Variants in FHAD1 observed in about 807,000 individuals in gnomAD.
FHAD1 encodes forkhead associated phosphopeptide binding domain 1, also known as forkhead-associated domain-containing protein 1.
In FHAD1, 146 loss-of-function variants were observed where a neutral mutation model predicts 191.3. That is an observed-to-expected ratio of 0.76 (90% CI 0.67 to 0.88). The LOEUF (loss-of-function observed/expected upper bound fraction) is 0.88, where lower values mean the gene tolerates loss of function less well. Among genes scored for constraint, FHAD1 ranks in the 40% least tolerant of loss-of-function variants. FHAD1 has a pLI of 0.00. For synonymous variants in FHAD1, 616 were observed against 672.3 expected (o/e 0.92, Z 1.29); for missense variants, 1,635 against 1,785.8 (o/e 0.92, Z 1.52).
chr1:15,242,488 C>G (rs4661615), upstream of FHAD1, among the ~76,000 whole-genome samples: 1 of 152,060 alleles, frequency 6.6e-6, no homozygotes, highest in Non-Finnish European at 1.5e-5. Context: ...TAAAGGTTCA[C>G]TGTCACTCAA....
chr1:15,299,436 TAAGTTTA>T (rs1484670500), intron 5 of FHAD1, among the ~76,000 whole-genome samples: 1 of 152,130 alleles, frequency 6.6e-6, no homozygotes, highest in African/African-American at 2.4e-5. Flanking sequence ...CTGAAGTCTG[TAAGTTTA>T]AAGTTTATGA....
intron 10 of FHAD1, among the ~76,000 whole-genome samples, chr1:15,322,903 C>T (rs1406014994): frequency 6.6e-6 from 1 of 152,180 alleles, no homozygotes; most frequent in African/African-American, 2.4e-5. Flanking sequence ...TTTAATTGGA[C>T]TTACAGTTCC....
At chr1:15,338,627 C>T (rs900248845) in intron 14 of FHAD1, among the ~76,000 whole-genome samples, 8 of 152,168 alleles carry the variant, frequency 5.3e-5, no homozygotes, top group African/African-American at 1.4e-4. Flanking sequence ...TTCAGCCCCG[C>T]GCACCCCTGT....
intron 11 of FHAD1, chr1:15,326,842 G>A: frequency 1.9e-6 from 1 of 528,152 alleles, no homozygotes; most frequent in Non-Finnish European, 3.4e-6. Flanking sequence ...TTCGGGTTAG[G>A]CAGGCGTGCC....
Position 15,359,825 on chromosome 1 carries a change from C to T in FHAD1, c.2737-653C>T, listed in dbSNP as rs182391076. On this transcript the variant is annotated intron_variant, in intron 21 of 33. Transcript: ENST00000688493. ...AATAGCCAGGCGTGGTGGCGGGCGC[C>T]TGTAGTCCCAGCTACTCAGGAGGCT... Among the ~76,000 whole-genome samples the T allele has an allele frequency of 3.1e-3, 478 of 152,348 alleles. 1 individual carries two copies. Among genetic ancestry groups the T allele is most frequent in the Middle Eastern group, 0.02 (6 of 294 alleles).
rs780575679 is a variant in FHAD1 at position 15,251,878 on chromosome 1, G to A, written c.93+1G>A. On this transcript the variant is annotated splice_donor_variant, in intron 2 of 33. Coordinates refer to ENST00000688493, the MANE Select transcript of FHAD1 (RefSeq NM_001391957.1). LOFTEE classifies it high-confidence loss of function. ...TGAAAATTCAGACCTTGTTTTACAG[G>A]TAAGAAGTCTTCCCACCTGTTCCCG... 77 of 1,551,840 alleles carry A rather than the reference G, an allele frequency of 5.0e-5. 1 individual carries two copies. The highest frequency in any genetic ancestry group is 1.8e-4 in the Admixed American group (9 of 50,944).
chr1:15,303,664 A>G (rs1352870185), intron 6 of FHAD1, among the ~76,000 whole-genome samples: 1 of 152,184 alleles, frequency 6.6e-6, no homozygotes, highest in Non-Finnish European at 1.5e-5. Context: ...AGCCTGGCCA[A>G]CATGGCGAAA....
At position 15,383,840 on chromosome 1, in the gene FHAD1, G is replaced by T. The variant is rs200177095; in HGVS notation, c.4188+1647G>T. 17 of 443,274 alleles carry T rather than the reference G, an allele frequency of 3.8e-5. No homozygotes were observed. The Admixed American group carries it at 3.8e-4, about 10-fold the overall frequency. The allele number at this position is 443,274 out of a possible 1,614,324, so 27.5% of individuals were successfully genotyped here. The stretch of plus-strand genomic sequence containing the variant: ...ACTGCGCCTCAGAGAGTTAAGAGGC[G>T]CCCAAGTGCACACAGCGGCTGGTAA... On this transcript the variant is annotated intron_variant, in intron 31 of 33. Coordinates refer to ENST00000688493, the MANE Select transcript of FHAD1 (RefSeq NM_001391957.1).
intron 2 of FHAD1, among the ~76,000 whole-genome samples, chr1:15,261,787 GAGGCAGTGAC>G (rs1651184466): frequency 6.6e-6 from 1 of 152,144 alleles, no homozygotes; most frequent in African/African-American, 2.4e-5. Context: ...TCCCTTTCCT[GAGGCAGTGAC>G]AGGGGTCACA....
intron 2 of FHAD1, among the ~76,000 whole-genome samples, 194 bp downstream of exon 2, chr1:15,252,071 G>T (rs918018856): frequency 1.3e-5 from 2 of 152,194 alleles, no homozygotes; most frequent in Non-Finnish European, 2.9e-5. Flanking sequence ...GAGTGAAGCT[G>T]AGTGCTGTAC....
chr1:15,289,904 G>A lies in FHAD1; in HGVS notation c.568+238G>A, dbSNP rs1326583587. Among the ~76,000 whole-genome samples the A allele has an allele frequency of 6.6e-6, 1 of 152,118 alleles. No individual in the cohort carries two copies. Among genetic ancestry groups the A allele is most frequent in the Non-Finnish European group, 1.5e-5 (1 of 68,030 alleles). ...TCCCTCCAGCCTCTGTGCTGTGTCCGTATACACACACCAGGGCACCTGCAG... is the reference window on the plus strand; with the variant it reads ...TCCCTCCAGCCTCTGTGCTGTGTCCATATACACACACCAGGGCACCTGCAG... On this transcript the variant is annotated intron_variant, in intron 4 of 33. Transcript: ENST00000688493. The surrounding 1 kb of genome is among the most constrained non-coding windows in gnomAD (Gnocchi z 4.2).
At position 15,316,930 on chromosome 1, in the gene FHAD1, A is replaced by C. The variant is rs1674632659; in HGVS notation, c.1260+463A>C. ...AAACAAGGCAGTGGCTCACATCTGT[A>C]ATCCTAGCACTTTGGGAGGCCAAGG... On this transcript the variant is annotated intron_variant, in intron 9 of 33. Transcript: ENST00000688493. The surrounding 1 kb of genome is among the most constrained non-coding windows in gnomAD (Gnocchi z 4.3). 6.6e-6 allele frequency among the ~76,000 whole-genome samples: 1 copy of C among 152,240 alleles called. No individual in the cohort carries two copies. Among genetic ancestry groups the C allele is most frequent in the Admixed American group, 6.5e-5 (1 of 15,282 alleles).
At chr1:15,369,591 C>G in intron 26 of FHAD1, 89 bp downstream of exon 26, 1 of 1,427,170 alleles carries the variant, frequency 7.0e-7, no homozygotes, top group Non-Finnish European at 9.5e-7. Flanking sequence ...CACTTTCATT[C>G]TAAGTTCCAA....
chr1:15,239,181 A>G (rs1409203691), intron 1 of FHAD1, among the ~76,000 whole-genome samples: 1 of 152,130 alleles, frequency 6.6e-6, no homozygotes, highest in Non-Finnish European at 1.5e-5. Context: ...TGCTGGGATT[A>G]CAGGCATGAG....
At chr1:15,346,866 T>C (rs888034014) in intron 18 of FHAD1, among the ~76,000 whole-genome samples, 1 of 152,128 alleles carries the variant, frequency 6.6e-6, no homozygotes, top group African/African-American at 2.4e-5. Flanking sequence ...TGGGCTCAGA[T>C]CTAGTGTATA....
intron 21 of FHAD1, among the ~76,000 whole-genome samples, chr1:15,359,843 A>G (rs955057864): frequency 4.6e-5 from 7 of 152,258 alleles, no homozygotes; most frequent in East Asian, 1.9e-4. Flanking sequence ...CCAGCTACTC[A>G]GGAGGCTGAG....
At chr1:15,280,536 G>T (rs1215400936) in intron 3 of FHAD1, among the ~76,000 whole-genome samples, 1 of 152,096 alleles carries the variant, frequency 6.6e-6, no homozygotes, top group South Asian at 2.1e-4. Context: ...AGGGAGGAGC[G>T]CAGGTGGAAG....
At chr1:15,290,781 G>T (rs533700847) in intron 4 of FHAD1, among the ~76,000 whole-genome samples, 1 of 151,270 alleles carries the variant, frequency 6.6e-6, no homozygotes, top group Admixed American at 6.6e-5. Context: ...CCATCTCAGC[G>T]CACTGCAAGC....
chr1:15,334,391 T>A (rs1683117238), intron 14 of FHAD1: 1 of 152,106 alleles, frequency 6.6e-6, no homozygotes, highest in Non-Finnish European at 1.5e-5. Flanking sequence ...CTAAGAGTTG[T>A]CTTTCCCTAA....
Sources: gnomAD v4.1 joint callset for allele counts (sites outside exome capture counted in the v4.1 genomes callset) on GRCh38, gnomAD v4.1.1 for gene constraint, Gnocchi (gnomAD v3.1) non-coding constraint, MANE v1.5 for transcripts, NCBI Gene and HGNC (gene_info 2026-07-23, HGNC 2026-07-21) for gene names.